The following TTN variants were observed in gnomAD, a reference collection of about 807,000 sequenced individuals.
TTN encodes connectin.
In TTN, 1,525 loss-of-function variants were observed where a neutral mutation model predicts 3,223.0. The ratio of observed to expected loss-of-function variants is 0.47; its 90% CI spans 0.45 to 0.49. TTN has a LOEUF of 0.49. Among genes scored for constraint, TTN ranks in the 20% least tolerant of loss-of-function variants. The probability of loss-of-function intolerance (pLI) is 0.00; values close to 1 mark genes in which losing one functional copy is unlikely to be tolerated. For missense variants in TTN, 40,786 were observed against 43,424.0 expected (o/e 0.94, Z 5.40); for synonymous variants, 14,094 against 15,161.0 (o/e 0.93, Z 5.17).
Position 178,616,742 on chromosome 2 carries a change from A to G in TTN, c.48147T>C (p.Asp16049=). The part of the protein sequence containing the change: ...NRVKTISGEI[D]VNVIARPSAP... ...TTTGTTCCTTACCAATTACATTGAC[A>G]TCAATTTCCCCAGAAATTGTTTTCA... Residue 16049 remains aspartate (D), a synonymous_variant, in exon 256 of 363, where the codon GAT becomes GAC. Transcript: ENST00000589042. The G allele has an allele frequency of 6.2e-7, 1 of 1,612,628 alleles. No homozygotes were observed. The highest frequency in any genetic ancestry group is 8.5e-7 in the Non-Finnish European group (1 of 1,179,176).
intron 336 of TTN, chr2:178,550,544 G>A (rs1312047239): frequency 6.6e-6 from 3 of 457,482 alleles, no homozygotes; most frequent in African/African-American, 2.0e-5. Flanking sequence ...TACAGATCAT[G>A]TACTTCCTAA....
intron 6 of TTN, among the ~76,000 whole-genome samples, chr2:178,798,139 C>T (rs1179083324): frequency 6.6e-6 from 1 of 152,084 alleles, no homozygotes; most frequent in East Asian, 1.9e-4. Flanking sequence ...CAATACCATA[C>T]TGTTCTGATT....
Position 178,693,597 on chromosome 2 carries a change from A to T in TTN, c.31594+12T>A, listed in dbSNP as rs1210906345. ...ATTAAAAGAGTTTAAACTTAGAATG[A>T]ATTACTAATACCTTTAGGTGGTGGT... On this transcript the variant is annotated intron_variant, in intron 119 of 362. Transcript: ENST00000589042. 2.0e-6 allele frequency: 3 copies of T among 1,536,438 alleles called. No individual in the cohort carries two copies. In the East Asian group the frequency reaches 6.9e-5, roughly 35 times the overall value.
In TTN at chr2:178,624,548, A is replaced by T. The variant is rs754905274; in HGVS notation, c.44732T>A (p.Ile14911Lys). The change falls in exon 242 of 363, where the codon ATA becomes AAA. Residue 14911 changes from isoleucine (I) to lysine (K), a missense_variant. Coordinates refer to ENST00000589042, the MANE Select transcript of TTN (RefSeq NM_001267550.2). ...VADGRVRKLVIHDCTPEDIKT... is the reference protein window; with the variant it reads ...VADGRVRKLVKHDCTPEDIKT... ...AATATCCTCTGGGGTACAGTCATGT[A>T]TAACAAGTTTTCTGACCCTGCCATC... 6.2e-7 allele frequency: 1 copy of T among 1,612,802 alleles called. No individual in the cohort carries two copies. The highest frequency in any genetic ancestry group is 1.1e-5 in the South Asian group (1 of 91,060).
At chr2:178,786,772 G>A (rs910521846) in intron 13 of TTN, among the ~76,000 whole-genome samples, 1 of 152,110 alleles carries the variant, frequency 6.6e-6, no homozygotes. Flanking sequence ...AGAGAACCCC[G>A]TGCAAATAAA....
At chr2:178,789,577 G>A (rs1380727174) in intron 12 of TTN, 80 bp from the exon 13 acceptor site, 1 of 1,570,056 alleles carries the variant, frequency 6.4e-7, no homozygotes, top group East Asian at 2.3e-5. Flanking sequence ...CCTTCCTCAT[G>A]GGGATGCAAG....
chr2:178,528,224 C>A (rs2857272), intron 361 of TTN, 50 bp downstream of exon 361: 1 of 1,545,874 alleles, frequency 6.5e-7, no homozygotes, highest in Non-Finnish European at 8.7e-7. Flanking sequence ...GGCAAAAAAA[C>A]GATCTAAAGG....
rs766831675 is a variant in TTN, at chr2:178,564,614, G to A, written c.81518C>T (p.Pro27173Leu). The A allele has an allele frequency of 9.9e-6, 16 of 1,613,464 alleles. No homozygotes were observed. Among genetic ancestry groups the A allele is most frequent in the Non-Finnish European group, 1.2e-5 (14 of 1,179,660 alleles). The change falls in exon 326 of 363, where the codon CCA (proline) becomes CTA (leucine). Residue 27173 changes from proline to leucine, a missense_variant. By Grantham distance (98) the Pro-to-Leu change is moderately conservative (BLOSUM62 -3). Transcript: ENST00000589042. ...AACAATGGCTTCAGGGCGACCAGGT[G>A]GGTCACATGGATCACGAGCAACAAA... ...ECFVARDPCD[P>L]PGRPEAIVIT...
chr2:178,646,404 C>T, intron 216 of TTN, 81 bp downstream of exon 216: 1 of 934,608 alleles, frequency 1.1e-6, no homozygotes, highest in Non-Finnish European at 1.6e-6. Flanking sequence ...AGACATACTA[C>T]ATATGTACAA....
In TTN at chr2:178,542,965, CA is replaced by C; in HGVS notation, c.96905-17del. 6.4e-7 allele frequency: 1 copy of C among 1,569,212 alleles called. No homozygotes were observed. The highest frequency in any genetic ancestry group is 8.6e-7 in the Non-Finnish European group (1 of 1,157,854). On this transcript the variant is annotated splice_polypyrimidine_tract_variant and intron_variant, in intron 347 of 362. Coordinates refer to ENST00000589042, the MANE Select transcript of TTN (RefSeq NM_001267550.2). ...GTTGGCAACACTATGGGAAAGAAAT[CA>C]GGCATTTATTCTTAAGCATTATTTT... is the stretch of plus-strand genomic sequence containing the variant.
rs748226847 is a variant in TTN, at chr2:178,550,004, T to C, written c.91834A>G (p.Ile30612Val). 3.7e-6 allele frequency: 6 copies of C among 1,608,534 alleles called. No individual in the cohort carries two copies. The highest frequency in any genetic ancestry group is 5.1e-6 in the Non-Finnish European group (6 of 1,176,008). Reference protein sequence around the residue: ...KNASGSAKAEIKVKVQDTPGK... With the variant: ...KNASGSAKAEVKVKVQDTPGK... ...AAAGTACCTTGTACTTTCACTTTAA[T>C]TTCTGCTTTTGCAGAACCAGATGCA... The change falls in exon 337 of 363, where the codon ATT becomes GTT. Residue 30612 changes from isoleucine (I) to valine (V), a missense_variant. Ile to Val is a conservative substitution (Grantham distance 29, BLOSUM62 3). Transcript: ENST00000589042.
Position 178,616,740 on chromosome 2 carries a change from A to C in TTN, c.48149T>G (p.Val16050Gly). The C allele has an allele frequency of 4.3e-6, 7 of 1,612,600 alleles. No individual in the cohort carries two copies. The highest frequency in any genetic ancestry group is 5.9e-6 in the Non-Finnish European group (7 of 1,179,168). ...GTTTTGTTCCTTACCAATTACATTG[A>C]CATCAATTTCCCCAGAAATTGTTTT... ...RVKTISGEID[V>G]NVIARPSAPK... Residue 16050 changes from valine to glycine, a missense_variant, in exon 256 of 363, where the codon GTC becomes GGC. Transcript: ENST00000589042.
rs373388052 is a variant in TTN, at chr2:178,574,579, A to T, written c.71553T>A (p.Leu23851=). The T allele has an allele frequency of 5.6e-6, 9 of 1,613,420 alleles. No homozygotes were observed. Among genetic ancestry groups the T allele is most frequent in the Non-Finnish European group, 7.6e-6 (9 of 1,179,622 alleles). Residue 23851 remains leucine, a synonymous_variant, in exon 326 of 363, where the codon CTT becomes CTA. Coordinates refer to ENST00000589042, the MANE Select transcript of TTN (RefSeq NM_001267550.2). ...CTAAAATGGGGCTTCCACCATCAGA[A>T]AGTGGCTCATGCCAGCTAATTGTCA... is the stretch of plus-strand genomic sequence containing the variant. ...DSMTISWHEP[L]SDGGSPILGY...
chr2:178,531,938 C>T lies in TTN; in HGVS notation c.104677G>A (p.Glu34893Lys), dbSNP rs749466743. ...CTCTCAAATCTCGAGAGTGATCTCTCACTAGACACAGGGCTGGGGGATCGT... is the reference window on the plus strand; with the variant it reads ...CTCTCAAATCTCGAGAGTGATCTCTTACTAGACACAGGGCTGGGGGATCGT... ...RPRSPSPVSS[E>K]RSLSRFERSA... The change falls in exon 358 of 363, where the codon GAG (glutamate) becomes AAG (lysine). Residue 34893 changes from glutamate (E) to lysine (K), a missense_variant. Glu to Lys is a moderately conservative substitution (Grantham distance 56, BLOSUM62 1). Transcript: ENST00000589042. The T allele has an allele frequency of 1.2e-6, 2 of 1,613,388 alleles. No homozygotes were observed. Among genetic ancestry groups the T allele is most frequent in the South Asian group, 1.1e-5 (1 of 91,004 alleles).
Position 178,782,619 on chromosome 2 carries a change from G to A in TTN, c.3101-17C>T, listed in dbSNP as rs764665417. On this transcript the variant is annotated splice_polypyrimidine_tract_variant and intron_variant, in intron 18 of 362. Transcript: ENST00000589042. ...CTTCTGACACTAAAAGAAGACAAAAGTTTCTCATTGAGATGAGATGTTTAG... is the reference window on the plus strand; with the variant it reads ...CTTCTGACACTAAAAGAAGACAAAAATTTCTCATTGAGATGAGATGTTTAG... 38 of 1,613,244 alleles carry A rather than the reference G, an allele frequency of 2.4e-5. No homozygotes were observed. The highest frequency in any genetic ancestry group is 3.2e-5 in the Non-Finnish European group (38 of 1,179,670).
rs2063058447 is a variant in TTN at position 178,651,922 on chromosome 2, T to G, written c.39341A>C (p.Glu13114Ala). Residue 13114 changes from glutamate (E) to alanine (A), a missense_variant, in exon 205 of 363, where the codon GAA becomes GCA. Glu to Ala is a moderately radical substitution (Grantham distance 107). Transcript: ENST00000589042. ...EEVALEEPPA[E>A]VVEEPEPAAP... ...CGCTGGCTCTGGCTCTTCCACAACT[T>G]CAGCAGGAGGCTCTTCTAGGGCAAC... is the stretch of plus-strand genomic sequence containing the variant. 6.2e-7 allele frequency: 1 copy of G among 1,610,312 alleles called. No individual in the cohort carries two copies. Among genetic ancestry groups the G allele is most frequent in the Non-Finnish European group, 8.5e-7 (1 of 1,178,308 alleles).
chr2:178,749,213 C>A (rs1184455375), intron 47 of TTN: 3 of 1,611,018 alleles, frequency 1.9e-6, no homozygotes, highest in Admixed American at 1.7e-5. Flanking sequence ...AAAATTATTT[C>A]TTATTTCTTT....
rs2085714733 is a variant in TTN, at chr2:178,752,082, T to C, written c.11311+1042A>G. The C allele has an allele frequency of 3.9e-6, 6 of 1,545,386 alleles. No individual in the cohort carries two copies. The East Asian group carries it at 1.3e-4, about 35-fold the overall frequency. On this transcript the variant is annotated intron_variant, in intron 47 of 362. Coordinates refer to ENST00000589042, the MANE Select transcript of TTN (RefSeq NM_001267550.2). ...AACCTTTACTATTTTCCATAGAACT[T>C]GAAAAAGTTGAAAGTAAATAAAATT... is the stretch of plus-strand genomic sequence containing the variant.
chr2:178,685,502 T>C lies in TTN; in HGVS notation c.32392+16A>G. The C allele has an allele frequency of 6.2e-7, 1 of 1,605,490 alleles. No homozygotes were observed. The highest frequency in any genetic ancestry group is 8.5e-7 in the Non-Finnish European group (1 of 1,175,650). ...AAGCTAACATAGGGATAAAACTAAT[T>C]AAAGAGTCAGCATACCTTCAGCTGG... On this transcript the variant is annotated intron_variant, in intron 128 of 362. Coordinates refer to ENST00000589042, the MANE Select transcript of TTN (RefSeq NM_001267550.2).
Sources: allele counts gnomAD v4.1 joint callset (sites outside exome capture counted in the v4.1 genomes callset), GRCh38; gene constraint gnomAD v4.1.1; transcripts MANE v1.5; gene names NCBI Gene and HGNC (gene_info 2026-07-23, HGNC 2026-07-21).